EGFLAM: variants seen among roughly 807,000 people sequenced by gnomAD.
The protein encoded by EGFLAM is pikachurin.
Under a neutral mutation model 113.1 loss-of-function variants are expected in EGFLAM, and 79 were observed. The observed-to-expected ratio is 0.70, with a 90% CI of 0.58 to 0.84. The LOEUF (loss-of-function observed/expected upper bound fraction) is 0.84. Among genes scored for constraint, EGFLAM ranks in the 40% least tolerant of loss-of-function variants. EGFLAM has a pLI of 0.00. For synonymous variants in EGFLAM, 504 were observed against 487.6 expected, an observed-to-expected ratio of 1.03 and a Z score of -0.44; for missense variants, 1,265 against 1,291.6, an observed-to-expected ratio of 0.98 and a Z score of 0.32.
intron 1 of EGFLAM, among the ~76,000 whole-genome samples, chr5:38,262,529 C>A (rs1411384533): frequency 6.6e-6 from 1 of 152,108 alleles, no homozygotes; most frequent in Admixed American, 6.5e-5. Flanking sequence ...CCCTCCCAGC[C>A]CCTGGTAATC....
intron 6 of EGFLAM, among the ~76,000 whole-genome samples, chr5:38,391,224 G>A (rs966480392): frequency 1.3e-5 from 2 of 152,052 alleles, no homozygotes. Flanking sequence ...CCAGCACCAA[G>A]TATTAAATGA....
In EGFLAM at chr5:38,407,032, A is replaced by G; in HGVS notation, c.1033A>G (p.Met345Val). 6.2e-7 allele frequency: 1 copy of G among 1,614,198 alleles called. No individual in the cohort carries two copies. The change falls in exon 8 of 22, where the codon ATG (methionine) becomes GTG (valine). Residue 345 changes from methionine (M) to valine (V), a missense_variant. Physicochemically the swap from Met to Val is conservative, Grantham distance 21. Transcript: ENST00000322350. ...GVAIMSRLFD[M>V]PCDETLCSAD... ...GGCCATAATGTCAAGGCTCTTTGACATGCCTTGTGATGAAACTCTCTGCTC... is the reference window on the plus strand; with the variant it reads ...GGCCATAATGTCAAGGCTCTTTGACGTGCCTTGTGATGAAACTCTCTGCTC...
intron 11 of EGFLAM, among the ~76,000 whole-genome samples, chr5:38,416,576 G>C (rs917978331): frequency 6.6e-6 from 1 of 152,148 alleles, no homozygotes; most frequent in African/African-American, 2.4e-5. Context: ...ACTGTTGCCC[G>C]GGATCTTGCG....
intron 3 of EGFLAM, among the ~76,000 whole-genome samples, chr5:38,339,672 T>C (rs1739284571): frequency 6.6e-6 from 1 of 151,936 alleles, no homozygotes; most frequent in Admixed American, 6.6e-5. Context: ...CTCGGAGAGG[T>C]GAAGTAACTT....
chr5:38,383,295 G>T (rs1740564948), intron 6 of EGFLAM, among the ~76,000 whole-genome samples: 1 of 152,080 alleles, frequency 6.6e-6, no homozygotes, highest in Non-Finnish European at 1.5e-5. Context: ...CAAACAACTG[G>T]TACATACATT....
intron 5 of EGFLAM, among the ~76,000 whole-genome samples, chr5:38,365,491 C>T (rs1262342217): frequency 6.6e-6 from 1 of 152,124 alleles, no homozygotes; most frequent in Non-Finnish European, 1.5e-5. Flanking sequence ...GGGCTAATGA[C>T]ACCTGCTTTA....
chr5:38,323,822 G>A (rs1219569835), intron 1 of EGFLAM, among the ~76,000 whole-genome samples: 5 of 152,102 alleles, frequency 3.3e-5, no homozygotes, highest in Admixed American at 6.6e-5. Flanking sequence ...GCCAAGGTGG[G>A]CGGATCACTT....
intron 6 of EGFLAM, among the ~76,000 whole-genome samples, chr5:38,395,406 C>T (rs910677271): frequency 6.6e-6 from 1 of 152,026 alleles, no homozygotes; most frequent in Non-Finnish European, 1.5e-5. Context: ...AGCTACTGTG[C>T]CTGACTAATT....
In EGFLAM at chr5:38,435,266, C is replaced by A; in HGVS notation, c.2283+13C>A. ...GAGCATCCAGAAGGTACAGGCATCT[C>A]TTCCTCATGTTTACTGGGCCACCCA... On this transcript the variant is annotated intron_variant, in intron 16 of 21. Transcript: ENST00000322350. The A allele has an allele frequency of 1.3e-6, 2 of 1,598,974 alleles. No homozygotes were observed. The highest frequency in any genetic ancestry group is 1.7e-6 in the Non-Finnish European group (2 of 1,166,344).
intron 20 of EGFLAM, among the ~76,000 whole-genome samples, chr5:38,459,641 TG>T (rs1169222320): frequency 6.6e-6 from 1 of 152,136 alleles, no homozygotes; most frequent in Non-Finnish European, 1.5e-5. Context: ...GGGAAGCCAG[TG>T]GGTAAAGTCA....
intron 18 of EGFLAM, among the ~76,000 whole-genome samples, chr5:38,449,016 C>G (rs569915614): frequency 2.2e-4 from 34 of 152,256 alleles, no homozygotes; most frequent in Non-Finnish European, 4.1e-4. Flanking sequence ...GCCTGGAGTC[C>G]TCGCTCTTGG....
At chr5:38,330,066 G>T (rs1003888892) in intron 1 of EGFLAM, among the ~76,000 whole-genome samples, 2 of 152,142 alleles carry the variant, frequency 1.3e-5, no homozygotes, top group African/African-American at 2.4e-5. Flanking sequence ...CGCTTTTTAT[G>T]GGTGCCAAGA....
intron 5 of EGFLAM, among the ~76,000 whole-genome samples, chr5:38,363,209 A>G (rs1739972482): frequency 1.3e-5 from 2 of 152,116 alleles, no homozygotes; most frequent in Admixed American, 1.3e-4. Context: ...AGTATGTAAA[A>G]TTGACTGATT....
chr5:38,287,733 C>T (rs1186531599), intron 1 of EGFLAM, among the ~76,000 whole-genome samples: 1 of 152,170 alleles, frequency 6.6e-6, no homozygotes, highest in Non-Finnish European at 1.5e-5. Context: ...TTGGAATGAA[C>T]TCCCAACCAG....
chr5:38,331,679 T>C (rs1302973102), intron 1 of EGFLAM, among the ~76,000 whole-genome samples: 1 of 152,162 alleles, frequency 6.6e-6, no homozygotes, highest in Non-Finnish European at 1.5e-5. Context: ...AAGACTATGT[T>C]AGAATAGGCC....
At chr5:38,291,228 A>C (rs1758322409) in intron 1 of EGFLAM, among the ~76,000 whole-genome samples, 1 of 152,246 alleles carries the variant, frequency 6.6e-6, no homozygotes, top group South Asian at 2.1e-4. Context: ...TATTTTATTA[A>C]GTTGCTTCAA....
chr5:38,420,215 C>T (rs892834474), intron 12 of EGFLAM, among the ~76,000 whole-genome samples: 4 of 152,200 alleles, frequency 2.6e-5, no homozygotes, highest in African/African-American at 9.7e-5. Context: ...TTTCCCTCCA[C>T]CTTGTTCACT....
intron 9 of EGFLAM, among the ~76,000 whole-genome samples, chr5:38,408,471 A>G (rs937936093): frequency 6.6e-6 from 1 of 152,224 alleles, no homozygotes; most frequent in African/African-American, 2.4e-5. Flanking sequence ...TCTGGAAAGA[A>G]GTCTCATTTG....
At chr5:38,442,078 T>TA (rs1244234661) in intron 17 of EGFLAM, among the ~76,000 whole-genome samples, 1 of 152,162 alleles carries the variant, frequency 6.6e-6, no homozygotes, top group Non-Finnish European at 1.5e-5. Flanking sequence ...TATGTTGTGT[T>TA]TACTTGAGTC....
Sources: gnomAD v4.1 joint callset for allele counts (sites outside exome capture counted in the v4.1 genomes callset) on GRCh38, gnomAD v4.1.1 for gene constraint, MANE v1.5 for transcripts, NCBI Gene and HGNC (gene_info 2026-07-23, HGNC 2026-07-21) for gene names.